The following PTCHD4 variants were observed in gnomAD, a reference collection of about 807,000 sequenced individuals.
PTCHD4 encodes patched domain-containing protein 4.
A neutral mutation model predicts 58.1 loss-of-function variants in PTCHD4; 33 were observed. The ratio of observed to expected loss-of-function variants is 0.57; its 90% confidence interval spans 0.43 to 0.76. The LOEUF (loss-of-function observed/expected upper bound fraction) is 0.76. Among genes scored for constraint, PTCHD4 ranks in the 30% least tolerant of loss-of-function variants. The probability of loss-of-function intolerance (pLI) is 0.00; values close to 1 mark genes in which losing one functional copy is unlikely to be tolerated. For missense variants in PTCHD4, 1,058 were observed against 1,027.1 expected (o/e 1.03, Z -0.41); for synonymous variants, 478 against 409.6 (o/e 1.17, Z -2.02).
In PTCHD4 at chr6:47,879,716, C is replaced by G; in HGVS notation, c.1119G>C (p.Leu373=). 6.2e-7 allele frequency: 1 copy of G among 1,613,654 alleles called. No individual in the cohort carries two copies. The highest frequency in any genetic ancestry group is 8.5e-7 in the Non-Finnish European group (1 of 1,179,762). ...AGGAGAAAATGTAGAAGTAGTTCAA[C>G]AGAATAGAGACACACATGTTTTGAC... ...VFCQNMCVSI[L]LNYFYIFSFF... is the part of the protein sequence containing the mutation. The change falls in exon 5 of 5, where the codon CTG becomes CTC. Residue 373 remains leucine, a synonymous_variant. Transcript: ENST00000339488.
chr6:48,035,087 C>T lies in PTCHD4; in HGVS notation c.418-25973G>A, dbSNP rs115788610. 3.7e-3 allele frequency among the ~76,000 whole-genome samples: 560 copies of T among 152,110 alleles called. 2 individuals are homozygous for T. Among genetic ancestry groups the T allele is most frequent in the African/African-American group, 0.012 (490 of 41,512 alleles). On this transcript the variant is annotated intron_variant, in intron 3 of 4. Transcript: ENST00000339488. ...GCAAAATGCTTTTTCTTTACTTTTG[C>T]GCTGAAATTATATTTTCCCCTTTTA...
intron 3 of PTCHD4, among the ~76,000 whole-genome samples, chr6:48,039,626 G>A (rs545357714): frequency 8.3e-4 from 127 of 152,234 alleles, no homozygotes; most frequent in Non-Finnish European, 1.6e-3. Flanking sequence ...CAATTAAAAT[G>A]CTAGAGGAAA....
chr6:47,914,692 A>G (rs1169327855), intron 4 of PTCHD4, among the ~76,000 whole-genome samples: 14 of 111,076 alleles, frequency 1.3e-4, no homozygotes, highest in Admixed American at 3.3e-4. Context: ...CTATCTATCT[A>G]TCTGTCTGTC....
intron 4 of PTCHD4, among the ~76,000 whole-genome samples, chr6:48,005,446 A>G (rs545036641): frequency 1.3e-5 from 2 of 152,364 alleles, no homozygotes; most frequent in African/African-American, 4.8e-5. Flanking sequence ...GGGATTATGC[A>G]GTTTTGACAC....
At chr6:47,946,073 G>T (rs1184068035) in intron 4 of PTCHD4, among the ~76,000 whole-genome samples, 1 of 151,914 alleles carries the variant, frequency 6.6e-6, no homozygotes, top group African/African-American at 2.4e-5. Flanking sequence ...AGAGAATGTG[G>T]TAAATATGAT....
intron 4 of PTCHD4, among the ~76,000 whole-genome samples, chr6:47,942,014 C>A (rs549996633): frequency 1.1e-4 from 16 of 152,158 alleles, no homozygotes; most frequent in Non-Finnish European, 2.2e-4. Flanking sequence ...AGCAATTGCA[C>A]AATTTGGAAT....
At chr6:47,997,033 G>A (rs966632063) in intron 4 of PTCHD4, among the ~76,000 whole-genome samples, 1 of 152,116 alleles carries the variant, frequency 6.6e-6, no homozygotes, top group Non-Finnish European at 1.5e-5. Context: ...CCCTTGCCTC[G>A]ACTCTTGATC....
In PTCHD4 at chr6:47,862,932, A is replaced by C. The variant is rs1177674282; in HGVS notation, c.*15371T>G. Among the ~76,000 whole-genome samples, 1 of 151,906 alleles carries C rather than the reference A, an allele frequency of 6.6e-6. No homozygotes were observed. The highest frequency in any genetic ancestry group is 1.5e-5 in the Non-Finnish European group (1 of 67,880). ...GTCAATTATATCTGGGAAATCAAAT[A>C]CTGTCTTTATGCTACTGGAACATTA... On this transcript the variant is annotated 3_prime_UTR_variant, in exon 5 of 5. Coordinates refer to ENST00000339488, the MANE Select transcript of PTCHD4 (RefSeq NM_001384253.1).
chr6:48,054,210 C>T (rs922783417), intron 3 of PTCHD4, among the ~76,000 whole-genome samples: 2 of 151,908 alleles, frequency 1.3e-5, no homozygotes, highest in African/African-American at 2.4e-5. Flanking sequence ...TGAACTATAC[C>T]AAGTGAAAAG....
chr6:48,002,860 C>G (rs1768789193), intron 4 of PTCHD4, among the ~76,000 whole-genome samples: 1 of 152,088 alleles, frequency 6.6e-6, no homozygotes, highest in Admixed American at 6.6e-5. Flanking sequence ...TTTCAGCATT[C>G]CCCCAAGCAG....
chr6:47,996,709 G>A (rs1768501322), intron 4 of PTCHD4, among the ~76,000 whole-genome samples: 1 of 152,082 alleles, frequency 6.6e-6, no homozygotes, highest in Non-Finnish European at 1.5e-5. Flanking sequence ...TAAAAAAATG[G>A]CCATTGAATA....
intron 4 of PTCHD4, among the ~76,000 whole-genome samples, chr6:47,902,471 C>T (rs1764741882): frequency 6.6e-6 from 1 of 152,086 alleles, no homozygotes; most frequent in Non-Finnish European, 1.5e-5. Flanking sequence ...ACTATAAAAG[C>T]TCAGGGAAAT....
chr6:48,103,843 G>A (rs1021995196), intron 1 of PTCHD4, among the ~76,000 whole-genome samples: 1 of 152,212 alleles, frequency 6.6e-6, no homozygotes, highest in African/African-American at 2.4e-5. Context: ...CTGGAAGAAA[G>A]GGTATCAGCG....
chr6:48,011,601 C>T (rs1218879401), intron 3 of PTCHD4, among the ~76,000 whole-genome samples: 1 of 152,126 alleles, frequency 6.6e-6, no homozygotes, highest in African/African-American at 2.4e-5. Flanking sequence ...TCAATTTTGG[C>T]TTTTGTTGCC....
chr6:47,913,245 A>G (rs1285757317), intron 4 of PTCHD4, among the ~76,000 whole-genome samples: 1 of 152,114 alleles, frequency 6.6e-6, no homozygotes, highest in Non-Finnish European at 1.5e-5. Context: ...AGGATTAAAT[A>G]ATATTCTGTT....
intron 3 of PTCHD4, among the ~76,000 whole-genome samples, chr6:48,015,612 T>G (rs1762840848): frequency 6.6e-6 from 1 of 152,014 alleles, no homozygotes; most frequent in Non-Finnish European, 1.5e-5. Flanking sequence ...AGGACTTAGC[T>G]TCAAAGAAAT....
At chr6:47,891,959 G>A (rs1447104861) in intron 4 of PTCHD4, among the ~76,000 whole-genome samples, 1 of 152,164 alleles carries the variant, frequency 6.6e-6, no homozygotes, top group Non-Finnish European at 1.5e-5. Context: ...TTGGGTGAGA[G>A]TTAAGCCCAG....
chr6:48,005,280 G>A (rs1247726449), intron 4 of PTCHD4, among the ~76,000 whole-genome samples: 1 of 152,172 alleles, frequency 6.6e-6, no homozygotes, highest in Non-Finnish European at 1.5e-5. Flanking sequence ...CCCAGCTTCA[G>A]GGATGATACT....
At chr6:47,911,028 G>A (rs1241331682) in intron 4 of PTCHD4, among the ~76,000 whole-genome samples, 1 of 152,074 alleles carries the variant, frequency 6.6e-6, no homozygotes, top group Non-Finnish European at 1.5e-5. Context: ...GCAAGTAGCT[G>A]TATGTAAAAA....
Sources: allele counts gnomAD v4.1 joint callset (sites outside exome capture counted in the v4.1 genomes callset), GRCh38; gene constraint gnomAD v4.1.1; transcripts MANE v1.5; gene names NCBI Gene and HGNC (gene_info 2026-07-23, HGNC 2026-07-21).